The following OR3A2 variants were observed in gnomAD, a reference collection of about 807,000 sequenced individuals.
The protein encoded by OR3A2 is olfactory receptor 3A2.
For synonymous variants in OR3A2, 126 were observed against 159.3 expected (o/e 0.79, Z 1.57); for missense variants, 318 against 392.8 (o/e 0.81, Z 1.61).
At chr17:3,337,372 C>T (rs1490776632) in intron 2 of OR3A2, among the ~76,000 whole-genome samples, 1 of 151,958 alleles carries the variant, frequency 6.6e-6, no homozygotes, top group Admixed American at 6.6e-5. Context: ...TTTGCTGCAC[C>T]CATTAACTCA....
At chr17:3,371,827 A>AC (rs1429524778) in intron 2 of OR3A2, among the ~76,000 whole-genome samples, 7,209 of 83,628 alleles carry the variant, frequency 0.086, 730 homozygotes, top group African/African-American at 0.24. Flanking sequence ...CGGGGGGCTG[A>AC]CCTCCCCACC....
In OR3A2 at chr17:3,352,393, G is replaced by T. The variant is rs188945647; in HGVS notation, c.-178-16267C>A. Among the ~76,000 whole-genome samples the T allele has an allele frequency of 2.0e-5, 3 of 151,670 alleles. No individual in the cohort carries two copies. The East Asian group carries it at 5.8e-4, about 29-fold the overall frequency. ...AGTAGTTTCATAGTTTGAGGTCTTC[G>T]ATTTAAGTCTTTAATCCATTTTGAT... On this transcript the variant is annotated intron_variant, in intron 2 of 4. Coordinates refer to the OR3A2 transcript ENST00000573491.
chr17:3,367,278 G>C (rs546165027), intron 2 of OR3A2, among the ~76,000 whole-genome samples: 4 of 152,156 alleles, frequency 2.6e-5, no homozygotes, highest in Admixed American at 1.3e-4. Context: ...GAAGTTATTC[G>C]GTAGTGATTT....
chr17:3,340,537 T>C (rs1297191338), intron 2 of OR3A2, among the ~76,000 whole-genome samples: 1 of 152,240 alleles, frequency 6.6e-6, no homozygotes, highest in Admixed American at 6.5e-5. Flanking sequence ...CCAGTAGTCA[T>C]TCAGGAGCAG....
In OR3A2 at chr17:3,359,905, G is replaced by A. The variant is rs548653263; in HGVS notation, c.-178-23779C>T. Reference sequence around the variant, plus strand: ...TATGTGTGCATGTGTCTTTATAGCAGCATGATTTATATTCCTTCAGGTATA... The same window carrying A: ...TATGTGTGCATGTGTCTTTATAGCAACATGATTTATATTCCTTCAGGTATA... On this transcript the variant is annotated intron_variant, in intron 2 of 4. Coordinates refer to the OR3A2 transcript ENST00000573491. Among the ~76,000 whole-genome samples the A allele has an allele frequency of 2.6e-5, 4 of 151,912 alleles. No individual in the cohort carries two copies. The South Asian group carries it at 8.3e-4, about 32-fold the overall frequency.
intron 3 of OR3A2, among the ~76,000 whole-genome samples, chr17:3,324,715 G>C (rs1266355182): frequency 1.3e-5 from 2 of 152,032 alleles, no homozygotes; most frequent in African/African-American, 4.8e-5. Flanking sequence ...TCGTTCCTTT[G>C]GAAGTTTTGT....
chr17:3,338,995 T>C (rs1426215188), intron 2 of OR3A2, among the ~76,000 whole-genome samples: 1 of 152,184 alleles, frequency 6.6e-6, no homozygotes, highest in Non-Finnish European at 1.5e-5. Flanking sequence ...CCTTTGTAAG[T>C]TGGATTCCTA....
intron 2 of OR3A2, among the ~76,000 whole-genome samples, chr17:3,370,489 T>A (rs2049604105): frequency 6.6e-6 from 1 of 152,232 alleles, no homozygotes; most frequent in Non-Finnish European, 1.5e-5. Flanking sequence ...TTGTTTCATT[T>A]ATCTTTTGTA....
chr17:3,352,502 A>G (rs1313795193), intron 2 of OR3A2, among the ~76,000 whole-genome samples: 1 of 151,954 alleles, frequency 6.6e-6, no homozygotes, highest in Non-Finnish European at 1.5e-5. Context: ...ACCATTTGTT[A>G]AAGAGACTGT....
chr17:3,363,828 T>C (rs1410445580), intron 2 of OR3A2, among the ~76,000 whole-genome samples: 5 of 152,004 alleles, frequency 3.3e-5, no homozygotes, highest in African/African-American at 1.2e-4. Flanking sequence ...TGACAGAAGG[T>C]GAAGCAGAAA....
At chr17:3,340,041 T>A (rs1196797790) in intron 2 of OR3A2, among the ~76,000 whole-genome samples, 2 of 152,224 alleles carry the variant, frequency 1.3e-5, no homozygotes, top group African/African-American at 4.8e-5. Flanking sequence ...TTCTTCTAGA[T>A]TTTGTAGTTC....
chr17:3,309,219 G>C (rs2049021184), intron 3 of OR3A2, among the ~76,000 whole-genome samples: 1 of 152,232 alleles, frequency 6.6e-6, no homozygotes, highest in African/African-American at 2.4e-5. Context: ...TATTTTATTA[G>C]CAGTGATTAG....
At position 3,323,858 on chromosome 17, in the gene OR3A2, G is replaced by T. The variant is rs186537285; in HGVS notation, c.-85+12175C>A. ...GTTTTGGAGTTGCTCTTCTCGAGGA[G>T]TATCTTTGTGGTGTTCTCTGTATTT... On this transcript the variant is annotated intron_variant, in intron 3 of 4. Coordinates refer to the OR3A2 transcript ENST00000573491. Among the ~76,000 whole-genome samples, 119 of 151,946 alleles carry T rather than the reference G, an allele frequency of 7.8e-4. 2 individuals are homozygous for T. The highest frequency in any genetic ancestry group is 2.8e-3 in the African/African-American group (116 of 41,332).
At chr17:3,370,695 A>G (rs2049607389) in intron 2 of OR3A2, among the ~76,000 whole-genome samples, 1 of 151,138 alleles carries the variant, frequency 6.6e-6, no homozygotes, top group South Asian at 2.1e-4. Flanking sequence ...GCAGGGTCAT[A>G]GGACAATAGT....
intron 3 of OR3A2, among the ~76,000 whole-genome samples, chr17:3,312,735 C>A (rs1243322617): frequency 2.0e-5 from 3 of 152,186 alleles, no homozygotes. Flanking sequence ...AGTGATTCCC[C>A]TGCCTTAGCC....
At chr17:3,302,484 T>A (rs2048973070) in intron 3 of OR3A2, among the ~76,000 whole-genome samples, 1 of 152,080 alleles carries the variant, frequency 6.6e-6, no homozygotes, top group Non-Finnish European at 1.5e-5. Flanking sequence ...ACAAAAACAT[T>A]CCCTATTTAA....
chr17:3,312,549 G>T (rs1197324267), intron 3 of OR3A2, among the ~76,000 whole-genome samples: 3 of 152,166 alleles, frequency 2.0e-5, no homozygotes, highest in Non-Finnish European at 4.4e-5. Context: ...CTCACAACCT[G>T]CCCCCGCCCC....
chr17:3,279,338 A>T (rs1441291034), intron 1 of OR3A2, among the ~76,000 whole-genome samples, 185 bp from the exon 4 acceptor site: 2 of 152,204 alleles, frequency 1.3e-5, no homozygotes, highest in East Asian at 3.8e-4. Flanking sequence ...CATGTTCTGT[A>T]CCTTAAATAT....
intron 3 of OR3A2, among the ~76,000 whole-genome samples, chr17:3,300,126 T>C (rs1434605860): frequency 6.6e-6 from 1 of 151,624 alleles, no homozygotes; most frequent in Admixed American, 6.6e-5. Flanking sequence ...TATAAGACTT[T>C]CCCTTCCCTC....
Sources: allele counts gnomAD v4.1 joint callset (sites outside exome capture counted in the v4.1 genomes callset), GRCh38; gene constraint gnomAD v4.1.1; transcripts MANE v1.5; gene names NCBI Gene and HGNC (gene_info 2026-07-23, HGNC 2026-07-21).